Variants in ARMS2 observed in about 807,000 individuals in gnomAD.
The protein encoded by ARMS2 is age-related maculopathy susceptibility 2, also known as age-related maculopathy susceptibility protein 2.
In ARMS2, 4 loss-of-function variants were observed where a neutral mutation model predicts 6.0. The ratio of observed to expected loss-of-function variants is 0.67; its 90% CI spans 0.33 to 1.53. The LOEUF (loss-of-function observed/expected upper bound fraction) is 1.53. Among genes scored for constraint, ARMS2 ranks in the 40% most tolerant of loss-of-function variants. The pLI is 0.06. For synonymous variants in ARMS2, 49 were observed against 51.7 expected (o/e 0.95, Z 0.22); for missense variants, 99 against 127.6 (o/e 0.78, Z 1.08).
At chr10:122,455,539 G>C (rs1591017701) in intron 1 of ARMS2, among the ~76,000 whole-genome samples, 1 of 152,132 alleles carries the variant, frequency 6.6e-6, no homozygotes, top group African/African-American at 2.4e-5. Flanking sequence ...AAACAACAAT[G>C]CAAGTTTGTA....
At chr10:122,456,383 T>C (rs796594212) in intron 1 of ARMS2, among the ~76,000 whole-genome samples, 17 of 151,984 alleles carry the variant, frequency 1.1e-4, no homozygotes, top group African/African-American at 3.4e-4. Context: ...AGGCCAGGCA[T>C]GGTGGCTCAT....
intron 1 of ARMS2, 75 bp downstream of exon 1, chr10:122,455,099 G>A (rs1178084127): frequency 2.4e-6 from 2 of 838,230 alleles, no homozygotes; most frequent in Non-Finnish European, 1.9e-6. Flanking sequence ...CCTGCAGCTT[G>A]CATTTTAACC....
rs150885327 is a variant in ARMS2, at chr10:122,456,107, A to G, written c.298-800A>G. On this transcript the variant is annotated intron_variant, in intron 1 of 1. Transcript: ENST00000528446. ...TAAATTAATAAAAGATCTGAATTAT[A>G]GATCTTAACAAATACATAGAATGTA... Among the ~76,000 whole-genome samples the G allele has an allele frequency of 6.1e-3, 934 of 152,278 alleles. 5 individuals are homozygous for G. The highest frequency in any genetic ancestry group is 0.021 in the African/African-American group (881 of 41,558).
At position 122,455,027 on chromosome 10, in the gene ARMS2, A is replaced by C; in HGVS notation, c.297+3A>C. On this transcript the variant is annotated splice_donor_region_variant and intron_variant, in intron 1 of 1. Transcript: ENST00000528446. ...AGCCTCAGCACCACCTGACACTGGT[A>C]AGAAATGCAGATGATCAGGCCTTAC... The C allele has an allele frequency of 6.7e-7, 1 of 1,490,188 alleles. No individual in the cohort carries two copies. The highest frequency in any genetic ancestry group is 9.3e-7 in the Non-Finnish European group (1 of 1,076,388). 92.3% of individuals were successfully genotyped at this position (1,490,188 alleles called of 1,614,324 possible). A position where few individuals can be genotyped will look rare whatever the true frequency, so the allele number is the denominator to read the frequency against.
At chr10:122,455,782 A>G (rs1023678931) in intron 1 of ARMS2, among the ~76,000 whole-genome samples, 10 of 152,110 alleles carry the variant, frequency 6.6e-5, no homozygotes, top group African/African-American at 1.9e-4. Context: ...CTGGCTCATA[A>G]TGTCCTTGAT....
chr10:122,455,727 C>T (rs1025926970), intron 1 of ARMS2, among the ~76,000 whole-genome samples: 1 of 152,080 alleles, frequency 6.6e-6, no homozygotes, highest in Non-Finnish European at 1.5e-5. Context: ...AGGTTGAACC[C>T]CTTCCCTCTC....
chr10:122,456,116 C>G (rs1329110085), intron 1 of ARMS2, among the ~76,000 whole-genome samples: 1 of 152,018 alleles, frequency 6.6e-6, no homozygotes, highest in African/African-American at 2.4e-5. Flanking sequence ...TAGATCTTAA[C>G]AAATACATAG....
intron 1 of ARMS2, among the ~76,000 whole-genome samples, chr10:122,456,632 C>T (rs1373779085): frequency 1.4e-5 from 2 of 144,576 alleles, no homozygotes; most frequent in African/African-American, 5.1e-5. Context: ...CCAGCCTGGG[C>T]AACAGAGTGA....
In ARMS2 at chr10:122,456,925, G is replaced by A. The variant is rs762492679; in HGVS notation, c.316G>A (p.Ala106Thr). The A allele has an allele frequency of 1.3e-6, 2 of 1,551,202 alleles. No individual in the cohort carries two copies. Among genetic ancestry groups the A allele is most frequent in the South Asian group, 1.2e-5 (1 of 83,982 alleles). ...TTTTCAGTCTATCATCCACACTGCA[G>A]CAAGGTGATTCTGCCAAAACATATC... ...HLTLSIIHTA[A>T]R Residue 106 changes from alanine (A) to threonine (T), a missense_variant, in exon 2 of 2, where the codon GCA (alanine) becomes ACA (threonine). Physicochemically the swap from Ala to Thr is moderately conservative, Grantham distance 58. Coordinates refer to ENST00000528446, the MANE Select transcript of ARMS2 (RefSeq NM_001099667.3).
chr10:122,456,300 A>G (rs2097477044), intron 1 of ARMS2, among the ~76,000 whole-genome samples: 1 of 151,628 alleles, frequency 6.6e-6, no homozygotes, highest in Non-Finnish European at 1.5e-5. Context: ...CAAAAAACAA[A>G]AAAAAAAAAG....
chr10:122,456,622 C>A (rs1335526608), intron 1 of ARMS2, among the ~76,000 whole-genome samples: 1 of 151,216 alleles, frequency 6.6e-6, no homozygotes, highest in African/African-American at 2.4e-5. Context: ...CCACTGCACT[C>A]CAGCCTGGGC....
rs148952219 is a variant in ARMS2, at chr10:122,457,306, TGATAGGC to T, written c.*374_*380del. On this transcript the variant is annotated 3_prime_UTR_variant, in exon 2 of 2. Coordinates refer to ENST00000528446, the MANE Select transcript of ARMS2 (RefSeq NM_001099667.3). Reference sequence around the variant, plus strand: ...TTCTTGCCCTCCTTTCTCTCCCGGGTGATAGGCATTAACTAAAATTAAATAAAAATTC... The same window carrying T: ...TTCTTGCCCTCCTTTCTCTCCCGGGTATTAACTAAAATTAAATAAAAATTC... The T allele has an allele frequency of 2.6e-4, 53 of 203,076 alleles. No individual in the cohort carries two copies. Among genetic ancestry groups the T allele is most frequent in the Middle Eastern group, 1.6e-3 (1 of 616 alleles). 12.6% of individuals were successfully genotyped at this position (203,076 alleles called of 1,614,324 possible). A position where few individuals can be genotyped will look rare whatever the true frequency, so the allele number is the denominator to read the frequency against.
rs1487095535 is a variant in ARMS2 at position 122,455,020 on chromosome 10, C to T, written c.293C>T (p.Thr98Ile). Residue 98 changes from threonine to isoleucine, a missense_variant, in exon 1 of 2, where the codon ACA becomes ATA. Transcript: ENST00000528446. ...RRFQQPQHHL[T>I]LSIIHTAAR is the part of the protein sequence containing the mutation. Reference sequence around the variant, plus strand: ...TTCCAGCAGCCTCAGCACCACCTGACACTGGTAAGAAATGCAGATGATCAG... The same window carrying T: ...TTCCAGCAGCCTCAGCACCACCTGATACTGGTAAGAAATGCAGATGATCAG... 6.5e-7 allele frequency: 1 copy of T among 1,529,580 alleles called. No individual in the cohort carries two copies. Among genetic ancestry groups the T allele is most frequent in the African/African-American group, 1.4e-5 (1 of 73,150 alleles). The allele number at this position is 1,529,580 out of a possible 1,614,324, so 94.8% of individuals were successfully genotyped here.
At chr10:122,455,499 A>T (rs994440965) in intron 1 of ARMS2, among the ~76,000 whole-genome samples, 30 of 151,930 alleles carry the variant, frequency 2.0e-4, no homozygotes, top group Non-Finnish European at 3.7e-4. Context: ...TTTATGGATT[A>T]AAAAAAATGC....
chr10:122,456,474 G>A (rs967847464), intron 1 of ARMS2, among the ~76,000 whole-genome samples: 1 of 151,694 alleles, frequency 6.6e-6, no homozygotes, highest in African/African-American at 2.4e-5. Context: ...GGTCAACATG[G>A]TGAAACCCCA....
Position 122,457,067 on chromosome 10 carries a change from C to A in ARMS2, c.*134C>A. ...GTCCCCTTCCCTCCAGCTGCCTCAA[C>A]TGTCCACAGGACTCTCTTCCCACCT... On this transcript the variant is annotated 3_prime_UTR_variant, in exon 2 of 2. Transcript: ENST00000528446. 8.3e-7 allele frequency: 1 copy of A among 1,202,284 alleles called. No individual in the cohort carries two copies. Among genetic ancestry groups the A allele is most frequent in the Non-Finnish European group, 1.2e-6 (1 of 852,564 alleles). 74.5% of individuals were successfully genotyped at this position (1,202,284 alleles called of 1,614,324 possible).
Position 122,454,713 on chromosome 10 carries a change from G to A in ARMS2, c.-15G>A, listed in dbSNP as rs1405724757. The A allele has an allele frequency of 1.2e-6, 2 of 1,612,260 alleles. No homozygotes were observed. The highest frequency in any genetic ancestry group is 1.3e-5 in the African/African-American group (1 of 74,996). ...GACAGCACCTTTGTCACCACATTATGTCCCTGTACCCTACATGCTGCGCCT... is the reference window on the plus strand; with the variant it reads ...GACAGCACCTTTGTCACCACATTATATCCCTGTACCCTACATGCTGCGCCT... On this transcript the variant is annotated 5_prime_UTR_variant, in exon 1 of 2. The change abolishes an upstream ATG in the 5' untranslated region. Transcript: ENST00000528446.
rs757519648 is a variant in ARMS2, at chr10:122,454,760, T to G, written c.33T>G (p.Thr11=). 1.1e-5 allele frequency: 17 copies of G among 1,613,822 alleles called. No homozygotes were observed. The change falls in exon 1 of 2, where the codon ACT becomes ACG. Residue 11 remains threonine, a synonymous_variant. Transcript: ENST00000528446. MLRLYPGPMV[T]EAEGKGGPEM... is the part of the protein sequence containing the mutation. ...GCCTATACCCAGGACCGATGGTAAC[T>G]GAGGCGGAGGGGAAAGGAGGGCCTG...
In ARMS2 at chr10:122,456,926, C is replaced by T. The variant is rs1257202254; in HGVS notation, c.317C>T (p.Ala106Val). Residue 106 changes from alanine (A) to valine (V), a missense_variant, in exon 2 of 2, where the codon GCA becomes GTA. Physicochemically the swap from Ala to Val is moderately conservative, Grantham distance 64. Coordinates refer to ENST00000528446, the MANE Select transcript of ARMS2 (RefSeq NM_001099667.3). Reference sequence around the variant, plus strand: ...TTTCAGTCTATCATCCACACTGCAGCAAGGTGATTCTGCCAAAACATATCT... The same window carrying T: ...TTTCAGTCTATCATCCACACTGCAGTAAGGTGATTCTGCCAAAACATATCT... ...HLTLSIIHTA[A>V]R The T allele has an allele frequency of 7.7e-6, 12 of 1,551,246 alleles. No homozygotes were observed. Among genetic ancestry groups the T allele is most frequent in the South Asian group, 1.2e-5 (1 of 84,004 alleles).
Sources: allele counts gnomAD v4.1 joint callset (sites outside exome capture counted in the v4.1 genomes callset), GRCh38; gene constraint gnomAD v4.1.1; transcripts MANE v1.5; gene names NCBI Gene and HGNC (gene_info 2026-07-23, HGNC 2026-07-21).